The following ATP12A variants were observed in gnomAD, a reference collection of about 807,000 sequenced individuals.
The protein encoded by ATP12A is potassium-transporting ATPase alpha chain 2.
ATP12A carries 81 observed loss-of-function variants against 111.2 expected under a neutral mutation model. The observed-to-expected ratio is 0.73, with a 90% CI of 0.61 to 0.88. The LOEUF (loss-of-function observed/expected upper bound fraction) is 0.88. ATP12A is among the 40% of genes least tolerant of loss of function. The pLI is 0.00. For missense variants in ATP12A, 1,196 were observed against 1,313.1 expected (o/e 0.91, Z 1.38); for synonymous variants, 498 against 499.8 (o/e 1.00, Z 0.05).
chr13:24,694,197 G>A (rs1032322673), intron 10 of ATP12A, among the ~76,000 whole-genome samples: 5 of 152,146 alleles, frequency 3.3e-5, no homozygotes, highest in African/African-American at 1.2e-4. Context: ...GATCTAGTTC[G>A]TAGCTGCTTT....
intron 10 of ATP12A, 82 bp from the exon 11 acceptor site, chr13:24,694,362 A>C: frequency 1.9e-6 from 3 of 1,540,802 alleles, no homozygotes; most frequent in Non-Finnish European, 2.7e-6. Flanking sequence ...TGGGATCAGG[A>C]GGGTGTGTTT....
At position 24,706,622 on chromosome 13, in the gene ATP12A, G is replaced by T. The variant is rs116471940; in HGVS notation, c.2169+159G>T. ...CTGACCTCTCCAACCTCTCAGGTGG[G>T]CTGGCCCCTGTCCTCCTTTGAGACC... On this transcript the variant is annotated intron_variant, in intron 15 of 22. Transcript: ENST00000381946. Among the ~76,000 whole-genome samples, 590 of 152,262 alleles carry T rather than the reference G, an allele frequency of 3.9e-3. 2 individuals carry two copies. Among genetic ancestry groups the T allele is most frequent in the African/African-American group, 0.014 (561 of 41,554 alleles).
intron 14 of ATP12A, among the ~76,000 whole-genome samples, chr13:24,702,595 C>A (rs188989710): frequency 9.2e-5 from 14 of 152,264 alleles, no homozygotes; most frequent in African/African-American, 3.4e-4. Context: ...TCTCCTAATT[C>A]TTTTAATCAT....
Position 24,692,835 on chromosome 13 carries a change from T to C in ATP12A, c.1316T>C (p.Ile439Thr), listed in dbSNP as rs1874969962. 2 of 1,614,086 alleles carry C rather than the reference T, an allele frequency of 1.2e-6. No individual in the cohort carries two copies. The highest frequency in any genetic ancestry group is 1.3e-5 in the African/African-American group (1 of 74,936). ...SSRTWASLSK[I>T]ITLCNRAEFK... Reference sequence around the variant, plus strand: ...AGGACTTGGGCCTCCTTATCCAAGATAATAACATTGTGTAACCGAGCAGAG... The same window carrying C: ...AGGACTTGGGCCTCCTTATCCAAGACAATAACATTGTGTAACCGAGCAGAG... The change falls in exon 10 of 23, where the codon ATA becomes ACA. Residue 439 changes from isoleucine (I) to threonine (T), a missense_variant. Around this residue, in one of 3 missense-constraint regions of ATP12A, gnomAD observed 1,126 missense variants for 1,228.5 expected, o/e 0.92. Coordinates refer to ENST00000381946, the MANE Select transcript of ATP12A (RefSeq NM_001676.7).
chr13:24,709,696 C>A lies in ATP12A; in HGVS notation c.2631C>A (p.Ala877=), dbSNP rs773705691. The change falls in exon 19 of 23, where the codon GCC becomes GCA. Residue 877 remains alanine (A), a synonymous_variant. Transcript: ENST00000381946. ...TTGTTCTTTCAGGCCTCATGCAAGCCCTGGGAGCTTTCCTTGTGTATTTCA... is the reference window on the plus strand; with the variant it reads ...TTGTTCTTTCAGGCCTCATGCAAGCACTGGGAGCTTTCCTTGTGTATTTCA... ...YSYLHIGLMQ[A]LGAFLVYFTV... 1.4e-5 allele frequency: 23 copies of A among 1,614,060 alleles called. No individual in the cohort carries two copies. Among genetic ancestry groups the A allele is most frequent in the African/African-American group, 4.0e-5 (3 of 74,914 alleles).
At position 24,709,740 on chromosome 13, in the gene ATP12A, G is replaced by A. The variant is rs201109498; in HGVS notation, c.2675G>A (p.Gly892Asp). 58 of 1,614,222 alleles carry A rather than the reference G, an allele frequency of 3.6e-5. No homozygotes were observed. In the African/African-American group the frequency reaches 7.3e-4, roughly 20 times the overall value. The change falls in exon 19 of 23, where the codon GGC becomes GAC. Residue 892 changes from glycine to aspartate, a missense_variant. Coordinates refer to ENST00000381946, the MANE Select transcript of ATP12A (RefSeq NM_001676.7). ...TATTTCACCGTCTATGCACAAGAGG[G>A]CTTTCTGCCCCGCACTCTCATTAAC... ...LVYFTVYAQE[G>D]FLPRTLINLR...
rs541496576 is a variant in ATP12A at position 24,705,726 on chromosome 13, G to C, written c.2019-587G>C. Among the ~76,000 whole-genome samples the C allele has an allele frequency of 1.8e-4, 28 of 152,268 alleles. No individual in the cohort carries two copies. In the South Asian group the frequency reaches 5.6e-3, roughly 30 times the overall value. On this transcript the variant is annotated intron_variant, in intron 14 of 22. Transcript: ENST00000381946. ...ACTTTGTCACCCAGGCTTGAGTGTA[G>C]TGGCATGATCATGGCTCACTGCAGC...
intron 14 of ATP12A, chr13:24,704,429 T>C (rs1308218180): frequency 6.6e-6 from 1 of 152,316 alleles, no homozygotes; most frequent in Non-Finnish European, 1.5e-5. Context: ...TCAAGGATCT[T>C]TTGTGGTCTT....
intron 12 of ATP12A, among the ~76,000 whole-genome samples, chr13:24,700,061 G>T (rs1434594201): frequency 3.3e-5 from 5 of 152,188 alleles, no homozygotes; most frequent in African/African-American, 2.4e-5. Context: ...AGTGGGCCAG[G>T]CTGAAAATAA....
At chr13:24,703,723 T>C (rs1176806986) in intron 14 of ATP12A, 1 of 152,180 alleles carries the variant, frequency 6.6e-6, no homozygotes, top group African/African-American at 2.4e-5. Flanking sequence ...TGGAGTGCAA[T>C]GGTGTGATCA....
At chr13:24,705,828 C>A (rs1416427760) in intron 14 of ATP12A, among the ~76,000 whole-genome samples, 1 of 152,162 alleles carries the variant, frequency 6.6e-6, no homozygotes, top group East Asian at 1.9e-4. Context: ...TGCCACCATA[C>A]CTGGCTAATT....
chr13:24,687,997 C>T (rs562196484), intron 3 of ATP12A, among the ~76,000 whole-genome samples: 1 of 152,286 alleles, frequency 6.6e-6, no homozygotes, highest in African/African-American at 2.4e-5. Context: ...CGACAGGTTA[C>T]GTAATTTCTC....
In ATP12A at chr13:24,710,588, C is replaced by G; in HGVS notation, c.2892C>G (p.Leu964=). The change falls in exon 20 of 23, where the codon CTC becomes CTG. Residue 964 remains leucine, a synonymous_variant. Coordinates refer to ENST00000381946, the MANE Select transcript of ATP12A (RefSeq NM_001676.7). ...TRRNSIFQQG[L]FRNKVIWVGI... ...GGAATTCCATCTTCCAGCAGGGTCT[C>G]TTCAGGTACTGCCTGTGCCCGGCCT... The G allele has an allele frequency of 1.2e-6, 2 of 1,614,152 alleles. No individual in the cohort carries two copies. Among genetic ancestry groups the G allele is most frequent in the Non-Finnish European group, 1.7e-6 (2 of 1,180,030 alleles).
At chr13:24,699,924 T>A (rs928290889) in intron 12 of ATP12A, among the ~76,000 whole-genome samples, 1 of 152,204 alleles carries the variant, frequency 6.6e-6, no homozygotes, top group African/African-American at 2.4e-5. Flanking sequence ...GCAAATCAGA[T>A]AAAGCATATA....
chr13:24,707,704 G>A (rs1299081739), intron 17 of ATP12A, among the ~76,000 whole-genome samples: 2 of 152,124 alleles, frequency 1.3e-5, no homozygotes, highest in Non-Finnish European at 2.9e-5. Context: ...TTGAGACAGA[G>A]TTTCACTCCC....
chr13:24,688,815 C>A (rs962704180), intron 4 of ATP12A, among the ~76,000 whole-genome samples: 1 of 152,208 alleles, frequency 6.6e-6, no homozygotes, highest in Non-Finnish European at 1.5e-5. Context: ...CGGAGAGCAG[C>A]TGTGCCTGCC....
chr13:24,698,140 A>C (rs1299870165), intron 11 of ATP12A, among the ~76,000 whole-genome samples: 1 of 152,074 alleles, frequency 6.6e-6, no homozygotes, highest in Non-Finnish European at 1.5e-5. Flanking sequence ...TGTCTTCCTG[A>C]AACATTATAC....
chr13:24,693,179 G>C (rs1874986074), intron 10 of ATP12A, among the ~76,000 whole-genome samples: 1 of 152,216 alleles, frequency 6.6e-6, no homozygotes, highest in Non-Finnish European at 1.5e-5. Flanking sequence ...TGCCAGCTAA[G>C]TGGATATAAT....
At chr13:24,688,194 CCTT>C in intron 3 of ATP12A, 122 bp from the exon 4 acceptor site, 1 of 1,050,850 alleles carries the variant, frequency 9.5e-7, no homozygotes, top group Non-Finnish European at 1.4e-6. Context: ...TTTCTCGGGA[CCTT>C]CTTTGGCCAC....
Sources: gnomAD v4.1 joint callset for allele counts (sites outside exome capture counted in the v4.1 genomes callset) on GRCh38, gnomAD v4.1.1 for gene constraint, gnomAD v4.1.1 regional missense constraint, MANE v1.5 for transcripts, NCBI Gene and HGNC (gene_info 2026-07-23, HGNC 2026-07-21) for gene names.